Variants in DHX33 observed in about 807,000 individuals in gnomAD.
DHX33 encodes DEAH-box helicase 33.
A neutral mutation model predicts 72.5 loss-of-function variants in DHX33; 42 were observed. The ratio of observed to expected loss-of-function variants is 0.58; its 90% CI spans 0.45 to 0.75. The LOEUF (loss-of-function observed/expected upper bound fraction) is 0.75. DHX33 is among the 30% of genes least tolerant of loss of function. The pLI is 0.00. For synonymous variants in DHX33, 358 were observed against 366.1 expected, an observed-to-expected ratio of 0.98 and a Z score of 0.25; for missense variants, 842 against 917.5, an observed-to-expected ratio of 0.92 and a Z score of 1.06.
At position 5,468,969 on chromosome 17, in the gene DHX33, T is replaced by A; in HGVS notation, c.-110A>T. On this transcript the variant is annotated 5_prime_UTR_variant, in exon 1 of 12. Coordinates refer to ENST00000225296, the MANE Select transcript of DHX33 (RefSeq NM_020162.4). Reference sequence around the variant, plus strand: ...TTCCTCGCCGCCACGTGCTGGCGGCTCCCGGCGACCACCGATGACCTCACG... The same window carrying A: ...TTCCTCGCCGCCACGTGCTGGCGGCACCCGGCGACCACCGATGACCTCACG... 4.7e-6 allele frequency: 3 copies of A among 640,790 alleles called. No individual in the cohort carries two copies. The highest frequency in any genetic ancestry group is 2.5e-6 in the Non-Finnish European group (1 of 394,684). The allele number at this position is 640,790 out of a possible 1,614,324, so 39.7% of individuals were successfully genotyped here.
rs766745491 is a variant in DHX33, at chr17:5,468,776, G to T, written c.84C>A (p.Pro28=). 7 of 1,608,690 alleles carry T rather than the reference G, an allele frequency of 4.4e-6. No homozygotes were observed. Among genetic ancestry groups the T allele is most frequent in the Non-Finnish European group, 5.1e-6 (6 of 1,177,896 alleles). ...TCAGCAGCATCACCACTTGCCTCCC[G>T]GGAGGGAAGGACCCAGCGCGGCTCG... ...GPPSRAGSFP[P]GRQVVMLLTA... Residue 28 remains proline, a synonymous_variant, in exon 1 of 12, where the codon CCC becomes CCA. Transcript: ENST00000225296.
chr17:5,450,266 G>A lies in DHX33; in HGVS notation c.1665C>T (p.Ser555=), dbSNP rs745620000. 1.2e-6 allele frequency: 2 copies of A among 1,614,168 alleles called. No homozygotes were observed. The highest frequency in any genetic ancestry group is 1.7e-5 in the Admixed American group (1 of 60,018). ...VQGVRKKFIS[S]EGDHMTLLNI... is the part of the protein sequence containing the mutation. Reference sequence around the variant, plus strand: ...TGAGCAGGGTCATGTGATCCCCCTCGCTGGATATGAACTTCTTGCGGACCC... The same window carrying A: ...TGAGCAGGGTCATGTGATCCCCCTCACTGGATATGAACTTCTTGCGGACCC... Residue 555 remains serine (S), a synonymous_variant, in exon 10 of 12, where the codon AGC becomes AGT. Coordinates refer to ENST00000225296, the MANE Select transcript of DHX33 (RefSeq NM_020162.4).
At chr17:5,451,632 T>A (rs1916918375) in intron 8 of DHX33, among the ~76,000 whole-genome samples, 1 of 152,168 alleles carries the variant, frequency 6.6e-6, no homozygotes, top group Non-Finnish European at 1.5e-5. Context: ...GAGAAGGACA[T>A]TATTACTATT....
intron 4 of DHX33, among the ~76,000 whole-genome samples, chr17:5,459,561 C>CT: frequency 6.6e-6 from 1 of 152,100 alleles, no homozygotes; most frequent in African/African-American, 2.4e-5. Flanking sequence ...TCCCAAGTAG[C>CT]TGGGACTATA....
At chr17:5,467,658 A>C (rs1469579258) in intron 1 of DHX33, among the ~76,000 whole-genome samples, 1 of 151,818 alleles carries the variant, frequency 6.6e-6, no homozygotes, top group Admixed American at 6.6e-5. Flanking sequence ...CGGGAGATAA[A>C]CCCCCTCGGG....
chr17:5,468,974 G>C lies in DHX33; in HGVS notation c.-115C>G. 1.5e-6 allele frequency: 1 copy of C among 655,634 alleles called. No homozygotes were observed. Among genetic ancestry groups the C allele is most frequent in the Non-Finnish European group, 2.6e-6 (1 of 379,856 alleles). 40.6% of individuals were successfully genotyped at this position (655,634 alleles called of 1,614,324 possible). A position where few individuals can be genotyped will look rare whatever the true frequency, so the allele number is the denominator to read the frequency against. ...CGCCGCCACGTGCTGGCGGCTCCCG[G>C]CGACCACCGATGACCTCACGGCCGC... On this transcript the variant is annotated 5_prime_UTR_variant, in exon 1 of 12. Coordinates refer to ENST00000225296, the MANE Select transcript of DHX33 (RefSeq NM_020162.4).
At chr17:5,448,392 A>AG (rs1916747480) in intron 11 of DHX33, among the ~76,000 whole-genome samples, 1 of 152,208 alleles carries the variant, frequency 6.6e-6, no homozygotes, top group African/African-American at 2.4e-5. Context: ...TTATCTCTGG[A>AG]GGGGCAGGAT....
chr17:5,455,205 A>G lies in DHX33; in HGVS notation c.1102T>C (p.Tyr368His). The part of the protein sequence containing the change: ...ETSITITGIK[Y>H]VVDTGMVKAK... Reference sequence around the variant, plus strand: ...TTAACCATGCCCGTGTCAACTACATATTTTATTCCTGTAATGGTTATGGAG... The same window carrying G: ...TTAACCATGCCCGTGTCAACTACATGTTTTATTCCTGTAATGGTTATGGAG... Residue 368 changes from tyrosine to histidine, a missense_variant, in exon 6 of 12, where the codon TAT becomes CAT. By Grantham distance (83) the Tyr-to-His change is moderately conservative. Transcript: ENST00000225296. 6.2e-7 allele frequency: 1 copy of G among 1,614,130 alleles called. No individual in the cohort carries two copies. The highest frequency in any genetic ancestry group is 8.5e-7 in the Non-Finnish European group (1 of 1,180,024).
chr17:5,450,279 T>G lies in DHX33; in HGVS notation c.1652A>C (p.Lys551Thr). The part of the protein sequence containing the change: ...RREEVQGVRK[K>T]FISSEGDHMT... ...GTGATCCCCCTCGCTGGATATGAAC[T>G]TCTTGCGGACCCCTTGCACTTCCTC... Residue 551 changes from lysine (K) to threonine (T), a missense_variant, in exon 10 of 12, where the codon AAG becomes ACG. Physicochemically the swap from Lys to Thr is moderately conservative, Grantham distance 78 (BLOSUM62 -1). Coordinates refer to ENST00000225296, the MANE Select transcript of DHX33 (RefSeq NM_020162.4). 6.2e-7 allele frequency: 1 copy of G among 1,614,186 alleles called. No individual in the cohort carries two copies. The highest frequency in any genetic ancestry group is 1.1e-5 in the South Asian group (1 of 91,080).
chr17:5,442,250 ATTTTTTTTTTTTT>A lies in DHX33; in HGVS notation c.*1942_*1954del, dbSNP rs377645589. 2 of 121,822 alleles carry A rather than the reference ATTTTTTTTTTTTT, an allele frequency of 1.6e-5. No individual in the cohort carries two copies. Among genetic ancestry groups the A allele is most frequent in the South Asian group, 5.3e-4 (2 of 3,780 alleles). The allele number at this position is 121,822 out of a possible 1,614,324, so 7.5% of individuals were successfully genotyped here. A position where few individuals can be genotyped will look rare whatever the true frequency, so the allele number is the denominator to read the frequency against. On this transcript the variant is annotated 3_prime_UTR_variant, in exon 12 of 12. Coordinates refer to ENST00000225296, the MANE Select transcript of DHX33 (RefSeq NM_020162.4). Reference sequence around the variant, plus strand: ...AGCCACTGCGCCCGGCCACCCCCCAATTTTTTTTTTTTTTTTTTTTTTTTTACCAGCACTATGA... The same window carrying A: ...AGCCACTGCGCCCGGCCACCCCCCAATTTTTTTTTTTTACCAGCACTATGA...
rs919008589 is a variant in DHX33 at position 5,453,829 on chromosome 17, C to A, written c.1299G>T (p.Glu433Asp). 1.9e-6 allele frequency: 3 copies of A among 1,613,936 alleles called. No individual in the cohort carries two copies. Among genetic ancestry groups the A allele is most frequent in the Non-Finnish European group, 2.5e-6 (3 of 1,179,902 alleles). Reference sequence around the variant, plus strand: ...GAGCAACTGGTGCCTACCTCTGGATCTCTGGCACGGTCATCTTATCAAACT... The same window carrying A: ...GAGCAACTGGTGCCTACCTCTGGATATCTGGCACGGTCATCTTATCAAACT... Reference protein sequence around the residue: ...FEKFDKMTVPEIQRCNLASVM... With the variant: ...FEKFDKMTVPDIQRCNLASVM... Residue 433 changes from glutamate to aspartate, a missense_variant, in exon 7 of 12, where the codon GAG becomes GAT. Coordinates refer to ENST00000225296, the MANE Select transcript of DHX33 (RefSeq NM_020162.4).
At chr17:5,450,429 G>T (rs956127778) in intron 9 of DHX33, 23 bp from the exon 10 acceptor site, 4 of 1,609,214 alleles carry the variant, frequency 2.5e-6, no homozygotes, top group Non-Finnish European at 3.4e-6. Context: ...ATTTAAAATT[G>T]TGTAAACCCA....
rs1917178687 is a variant in DHX33, at chr17:5,456,090, G to T, written c.942C>A (p.His314Gln). Residue 314 changes from histidine to glutamine, a missense_variant, in exon 5 of 12, where the codon CAC becomes CAA. Transcript: ENST00000225296. ...MSKTCRDIAK[H>Q]LPDGCPAMLV... ...GCATCGCAGGGCAGCCGTCTGGGAG[G>T]TGCTTTGCAATGTCTCGGCACGTCT... The T allele has an allele frequency of 6.2e-7, 1 of 1,613,898 alleles. No homozygotes were observed. The highest frequency in any genetic ancestry group is 1.1e-5 in the South Asian group (1 of 91,080).
chr17:5,443,537 G>T lies in DHX33; in HGVS notation c.*668C>A, dbSNP rs1319467660. On this transcript the variant is annotated 3_prime_UTR_variant, in exon 12 of 12. Coordinates refer to ENST00000225296, the MANE Select transcript of DHX33 (RefSeq NM_020162.4). ...TGGTCTCTGCTTGGAGACAGACACA[G>T]AGTGGTCCACCCTGAGACACAAGCG... 6.6e-6 allele frequency: 1 copy of T among 152,190 alleles called. No homozygotes were observed. The highest frequency in any genetic ancestry group is 1.5e-5 in the Non-Finnish European group (1 of 68,114). The allele number at this position is 152,190 out of a possible 1,614,324, so 9.4% of individuals were successfully genotyped here.
At chr17:5,453,548 C>A (rs778279312) in intron 8 of DHX33, 32 bp downstream of exon 8, 2 of 1,588,166 alleles carry the variant, frequency 1.3e-6, no homozygotes, top group African/African-American at 2.7e-5. Context: ...GTCTCCTCAC[C>A]CACCTTCTGC....
At chr17:5,450,498 T>A in intron 9 of DHX33, 92 bp from the exon 10 acceptor site, 1 of 1,375,330 alleles carries the variant, frequency 7.3e-7, no homozygotes, top group Non-Finnish European at 1.0e-6. Flanking sequence ...GTTTCCCTTC[T>A]AAGGAGTTAA....
Position 5,455,146 on chromosome 17 carries a change from C to A in DHX33, c.1147+14G>T. 1 of 1,604,404 alleles carries A rather than the reference C, an allele frequency of 6.2e-7. No homozygotes were observed. The highest frequency in any genetic ancestry group is 8.5e-7 in the Non-Finnish European group (1 of 1,171,208). On this transcript the variant is annotated intron_variant, in intron 6 of 11. Coordinates refer to ENST00000225296, the MANE Select transcript of DHX33 (RefSeq NM_020162.4). Reference sequence around the variant, plus strand: ...TAGACACAGGAGAGACATTCATGAACTACAAATTCTCACCAGGGTTATACT... The same window carrying A: ...TAGACACAGGAGAGACATTCATGAAATACAAATTCTCACCAGGGTTATACT...
rs1050645341 is a variant in DHX33, at chr17:5,458,401, G to A, written c.850-2219C>T. Among the ~76,000 whole-genome samples, 3 of 152,052 alleles carry A rather than the reference G, an allele frequency of 2.0e-5. No individual in the cohort carries two copies. The South Asian group carries it at 6.2e-4, about 32-fold the overall frequency. On this transcript the variant is annotated intron_variant, in intron 4 of 11. Transcript: ENST00000225296. Reference sequence around the variant, plus strand: ...AAACAAGGTACAGGGATGATGGTGTGCTACTAGCAATGTGTGGTCATAATA... The same window carrying A: ...AAACAAGGTACAGGGATGATGGTGTACTACTAGCAATGTGTGGTCATAATA...
intron 8 of DHX33, among the ~76,000 whole-genome samples, chr17:5,451,985 A>G (rs548124682): frequency 6.6e-6 from 1 of 152,160 alleles, no homozygotes; most frequent in African/African-American, 2.4e-5. Flanking sequence ...AGGGATACAT[A>G]CGCATATAGT....
Sources: gnomAD v4.1 joint callset for allele counts (sites outside exome capture counted in the v4.1 genomes callset) on GRCh38, gnomAD v4.1.1 for gene constraint, MANE v1.5 for transcripts, NCBI Gene and HGNC (gene_info 2026-07-23, HGNC 2026-07-21) for gene names.